KCNH8: variants seen among roughly 807,000 people sequenced by gnomAD.
KCNH8 encodes voltage-gated delayed rectifier potassium channel KCNH8.
In KCNH8, 70 loss-of-function variants were observed where a neutral mutation model predicts 103.6. That is an observed-to-expected ratio of 0.68 (90% CI 0.56 to 0.82). The LOEUF (loss-of-function observed/expected upper bound fraction) is 0.82, where lower values mean the gene tolerates loss of function less well. Ranked by LOEUF, KCNH8 falls within the 40% of genes least tolerant of loss-of-function variation. The pLI, the probability that KCNH8 is intolerant of heterozygous loss-of-function variation, is 0.00. For missense variants in KCNH8, 1,217 were observed against 1,329.9 expected, an observed-to-expected ratio of 0.92 and a Z score of 1.32; for synonymous variants, 498 against 489.4, an observed-to-expected ratio of 1.02 and a Z score of -0.23.
At chr3:19,277,531 T>C (rs1329433934) in intron 2 of KCNH8, among the ~76,000 whole-genome samples, 1 of 152,106 alleles carries the variant, frequency 6.6e-6, no homozygotes, top group Non-Finnish European at 1.5e-5. Flanking sequence ...ACCTGTGTGA[T>C]AGAGTAAGAC....
chr3:19,251,621 C>T (rs1156726014), intron 1 of KCNH8, among the ~76,000 whole-genome samples: 2 of 152,044 alleles, frequency 1.3e-5, no homozygotes, highest in East Asian at 3.9e-4. Context: ...TCCTGCTGGC[C>T]ATCAAGAAGT....
chr3:19,481,635 T>C (rs2068088534), intron 11 of KCNH8, among the ~76,000 whole-genome samples: 1 of 152,188 alleles, frequency 6.6e-6, no homozygotes, highest in Non-Finnish European at 1.5e-5. Context: ...CTGTAATGTA[T>C]CACATTTCCA....
At chr3:19,161,478 A>C (rs2063233677) in intron 1 of KCNH8, among the ~76,000 whole-genome samples, 1 of 152,224 alleles carries the variant, frequency 6.6e-6, no homozygotes, top group African/African-American at 2.4e-5. Flanking sequence ...ACCAGTGATT[A>C]ATGTGTTGTT....
intron 1 of KCNH8, among the ~76,000 whole-genome samples, chr3:19,167,349 A>T (rs1326089644): frequency 1.3e-5 from 2 of 152,260 alleles, no homozygotes; most frequent in African/African-American, 4.8e-5. Flanking sequence ...GTCATAGTTT[A>T]TTCAAAACAT....
chr3:19,226,977 C>T (rs1382377592), intron 1 of KCNH8, among the ~76,000 whole-genome samples: 3 of 152,154 alleles, frequency 2.0e-5, no homozygotes, highest in East Asian at 1.9e-4. Flanking sequence ...TTTTTGGAGC[C>T]GTGTCCCAAG....
chr3:19,318,373 G>T (rs2065302384), intron 3 of KCNH8, among the ~76,000 whole-genome samples: 1 of 151,564 alleles, frequency 6.6e-6, no homozygotes, highest in Non-Finnish European at 1.5e-5. Flanking sequence ...TGATGCACCT[G>T]TCACCAGAGT....
At chr3:19,486,922 C>T (rs973492167) in intron 11 of KCNH8, among the ~76,000 whole-genome samples, 7 of 152,320 alleles carry the variant, frequency 4.6e-5, no homozygotes, top group East Asian at 1.9e-4. Context: ...AGCATACCTG[C>T]TGTCTGCAGA....
At chr3:19,271,739 G>A (rs1370095163) in intron 2 of KCNH8, among the ~76,000 whole-genome samples, 2 of 152,126 alleles carry the variant, frequency 1.3e-5, no homozygotes, top group African/African-American at 4.8e-5. Flanking sequence ...AATTATACCT[G>A]AGAATATTCA....
intron 7 of KCNH8, among the ~76,000 whole-genome samples, chr3:19,430,602 C>T (rs184291556): frequency 9.2e-5 from 14 of 152,144 alleles, no homozygotes; most frequent in African/African-American, 3.4e-4. Flanking sequence ...AATATTAATT[C>T]CTTCTATGCA....
intron 1 of KCNH8, among the ~76,000 whole-genome samples, chr3:19,163,157 A>G (rs2125187706): frequency 6.6e-6 from 1 of 152,020 alleles, no homozygotes; most frequent in East Asian, 1.9e-4. Flanking sequence ...AGTCTTCAGA[A>G]TAACACCAAC....
chr3:19,230,193 G>A lies in KCNH8; in HGVS notation c.77-23461G>A, dbSNP rs142369266. On this transcript the variant is annotated intron_variant, in intron 1 of 15. Transcript: ENST00000328405. ...AGATTATCTCAGGGTAATTATGGGA[G>A]TGGGAATTATAGGAGTACAGTTCAA... Among the ~76,000 whole-genome samples the A allele has an allele frequency of 2.3e-4, 35 of 152,306 alleles. No homozygotes were observed. In the East Asian group the frequency reaches 3.9e-3, roughly 17 times the overall value.
At chr3:19,270,763 A>G (rs1243271808) in intron 2 of KCNH8, among the ~76,000 whole-genome samples, 1 of 152,168 alleles carries the variant, frequency 6.6e-6, no homozygotes, top group African/African-American at 2.4e-5. Flanking sequence ...TGTTGTCTGC[A>G]TATTCTTGGA....
chr3:19,530,788 T>C (rs2069146795), intron 15 of KCNH8, among the ~76,000 whole-genome samples: 1 of 152,214 alleles, frequency 6.6e-6, no homozygotes, highest in South Asian at 2.1e-4. Flanking sequence ...TTTCTTTTTC[T>C]ACATGATAAT....
intron 1 of KCNH8, among the ~76,000 whole-genome samples, chr3:19,243,235 C>A (rs2064164407): frequency 6.6e-6 from 1 of 152,110 alleles, no homozygotes. Flanking sequence ...CAGCATACAC[C>A]TGTGTTGGTT....
intron 11 of KCNH8, among the ~76,000 whole-genome samples, chr3:19,488,126 T>TAG (rs1488169972): frequency 6.6e-6 from 1 of 152,208 alleles, no homozygotes; most frequent in East Asian, 1.9e-4. Flanking sequence ...TCTCTCATCT[T>TAG]TATCTAAGGT....
chr3:19,337,756 G>C (rs947300059), intron 3 of KCNH8, among the ~76,000 whole-genome samples: 2 of 152,014 alleles, frequency 1.3e-5, no homozygotes, highest in Non-Finnish European at 2.9e-5. Context: ...ACTAAAACAG[G>C]CTCCTGAGTA....
intron 1 of KCNH8, among the ~76,000 whole-genome samples, chr3:19,221,331 G>A (rs1246411909): frequency 1.3e-5 from 2 of 152,196 alleles, no homozygotes; most frequent in Admixed American, 6.5e-5. Flanking sequence ...AGCTCCTACA[G>A]TGCATTGCAC....
chr3:19,378,839 A>C (rs2066248383), intron 5 of KCNH8, among the ~76,000 whole-genome samples: 1 of 152,228 alleles, frequency 6.6e-6, no homozygotes, highest in Non-Finnish European at 1.5e-5. Flanking sequence ...ATCAACGTAA[A>C]AAATTCTCCT....
chr3:19,276,242 T>A (rs2064669716), intron 2 of KCNH8, among the ~76,000 whole-genome samples: 1 of 151,028 alleles, frequency 6.6e-6, no homozygotes, highest in Admixed American at 6.6e-5. Flanking sequence ...CTGGACTAAT[T>A]TCTAAAAACT....
Sources: allele counts gnomAD v4.1 joint callset (sites outside exome capture counted in the v4.1 genomes callset), GRCh38; gene constraint gnomAD v4.1.1; transcripts MANE v1.5; gene names NCBI Gene and HGNC (gene_info 2026-07-23, HGNC 2026-07-21).